ABCA7: variants seen among roughly 807,000 people sequenced by gnomAD.
ABCA7 encodes the protein ATP binding cassette subfamily A member 7.
A neutral mutation model predicts 227.6 loss-of-function variants in ABCA7; 261 were observed. The observed-to-expected ratio is 1.15, with a 90% CI of 1.04 to 1.27. The LOEUF is 1.27. Ranked by LOEUF, ABCA7 falls within the 50% of genes most tolerant of loss-of-function variation. ABCA7 has a pLI of 0.00. For missense variants in ABCA7, 3,331 were observed against 2,924.5 expected, an observed-to-expected ratio of 1.14 and a Z score of -3.21; for synonymous variants, 1,488 against 1,279.7, an observed-to-expected ratio of 1.16 and a Z score of -3.47.
rs377541682 is a variant in ABCA7 at position 1,052,018 on chromosome 19, T to C, written c.3039T>C (p.Gly1013=). 6.2e-7 allele frequency: 1 copy of C among 1,611,982 alleles called. No individual in the cohort carries two copies. Among genetic ancestry groups the C allele is most frequent in the East Asian group, 2.2e-5 (1 of 44,860 alleles). The change falls in exon 22 of 47, where the codon GGT becomes GGC. Residue 1013 remains glycine, a synonymous_variant. Transcript: ENST00000263094. The stretch of plus-strand genomic sequence containing the variant: ...GAGACCGTGTGGCCGTGGTGGCAGG[T>C]GGCCGCTTGTGCTGCTGTGGCTCCC... ...LLGDRVAVVA[G]GRLCCCGSPL... is the part of the protein sequence containing the mutation.
At chr19:1,042,214 T>G in intron 5 of ABCA7, 38 bp downstream of exon 5, 1 of 1,594,994 alleles carries the variant, frequency 6.3e-7, no homozygotes, top group South Asian at 1.1e-5. Flanking sequence ...GGCTGAGCTC[T>G]GAGCCTCAAC....
Position 1,055,161 on chromosome 19 carries a change from G to C in ABCA7, c.4015G>C (p.Glu1339Gln), listed in dbSNP as rs2042134289. ...CTTGGCCAGTGGCAACTGGACCCCA[G>C]AGTCTCCATCCCCAGCCTGCCAGTG... ...KVLASGNWTP[E>Q]SPSPACQCSR... The change falls in exon 30 of 47, where the codon GAG (glutamate) becomes CAG (glutamine). Residue 1339 changes from glutamate (E) to glutamine (Q), a missense_variant. Glu to Gln is a conservative substitution (Grantham distance 29, BLOSUM62 2). Transcript: ENST00000263094. The C allele has an allele frequency of 1.2e-6, 2 of 1,612,712 alleles. No homozygotes were observed. The highest frequency in any genetic ancestry group is 2.7e-5 in the African/African-American group (2 of 74,930).
intron 44 of ABCA7, 122 bp downstream of exon 44, chr19:1,063,985 C>G: frequency 7.3e-7 from 1 of 1,370,654 alleles, no homozygotes; most frequent in Non-Finnish European, 9.7e-7. Flanking sequence ...GGGCGCCAGG[C>G]CCCGGGGTGT....
chr19:1,047,744 TG>T lies in ABCA7; in HGVS notation c.2269+96del, dbSNP rs1165863006. ...GTGTGGCCTCCAGGCCGTTTGGGGG[TG>T]GGGGGTGGCTTATTCCCTTGGAGAG... is the stretch of plus-strand genomic sequence containing the variant. On this transcript the variant is annotated intron_variant, in intron 16 of 46. Transcript: ENST00000263094. The T allele has an allele frequency of 6.6e-6, 6 of 908,312 alleles. No individual in the cohort carries two copies. The African/African-American group carries it at 6.6e-5, about 10-fold the overall frequency. 56.3% of individuals were successfully genotyped at this position (908,312 alleles called of 1,614,324 possible).
At chr19:1,044,833 C>G (rs1018657381) in intron 11 of ABCA7, 89 bp downstream of exon 11, 5 of 1,486,624 alleles carry the variant, frequency 3.4e-6, no homozygotes, top group Non-Finnish European at 4.5e-6. Flanking sequence ...CAGGGGGAGG[C>G]GGGCCCGGCC....
chr19:1,064,098 C>T (rs928234896), intron 44 of ABCA7, 63 bp from the exon 45 acceptor site: 2 of 1,471,182 alleles, frequency 1.4e-6, no homozygotes, highest in Non-Finnish European at 1.8e-6. Context: ...GGGAAGCAGG[C>T]AGTGTGGCGC....
chr19:1,047,114 C>T, intron 14 of ABCA7, 43 bp from the exon 15 acceptor site: 1 of 1,570,530 alleles, frequency 6.4e-7, no homozygotes. Context: ...CGCCCCCAGG[C>T]CAATCCAGGA....
intron 18 of ABCA7, among the ~76,000 whole-genome samples, chr19:1,049,979 GCCCAAACCACTCCCTCCCTGTGAGCCC>G (rs1568313686): frequency 8.1e-5 from 3 of 37,232 alleles, no homozygotes; most frequent in East Asian, 1.2e-3. Context: ...CCTGTGAGCC[GCCCAAACCACTCCCTCCCTGTGAGCCC>G]CCCACCACTT....
chr19:1,060,195 G>GTATATATATATATATATATATATA (rs138175754), intron 40 of ABCA7, among the ~76,000 whole-genome samples: 9 of 53,464 alleles, frequency 1.7e-4, no homozygotes, highest in African/African-American at 6.0e-4. Context: ...ACACATTGCA[G>GTATATATATATATATATATATATA]TATATATATA....
chr19:1,042,755 G>A lies in ABCA7; in HGVS notation c.508G>A (p.Gly170Arg). ...TGGTCTTTCTCCCCAGGAATCCCTG[G>A]GGTTGGCACTGGGCCAAGCCCAGGA... is the stretch of plus-strand genomic sequence containing the variant. ...LTSLLRTESL[G>R]LALGQAQEPL... is the part of the protein sequence containing the mutation. The change falls in exon 7 of 47, where the codon GGG (glycine) becomes AGG (arginine). Residue 170 changes from glycine (G) to arginine (R), a missense_variant. By Grantham distance (125) the Gly-to-Arg change is moderately radical (BLOSUM62 -2). Transcript: ENST00000263094. The A allele has an allele frequency of 6.2e-7, 1 of 1,613,502 alleles. No homozygotes were observed. The highest frequency in any genetic ancestry group is 8.5e-7 in the Non-Finnish European group (1 of 1,179,982).
In ABCA7 at chr19:1,047,466, C is replaced by A; in HGVS notation, c.2081C>A (p.Pro694His). The change falls in exon 16 of 47, where the codon CCC (proline) becomes CAC (histidine). Residue 694 changes from proline (P) to histidine (H), a missense_variant. Physicochemically the swap from Pro to His is moderately conservative, Grantham distance 77. Coordinates refer to ENST00000263094, the MANE Select transcript of ABCA7 (RefSeq NM_019112.4). Reference protein sequence around the residue: ...GGRVAASLLSPVAFGFGCESL... With the variant: ...GGRVAASLLSHVAFGFGCESL... ...GCTTTTCCGCAGAGCCTGCTGTCGC[C>A]CGTGGCCTTCGGCTTCGGCTGCGAG... is the stretch of plus-strand genomic sequence containing the variant. 1 of 1,553,906 alleles carries A rather than the reference C, an allele frequency of 6.4e-7. No individual in the cohort carries two copies. Among genetic ancestry groups the A allele is most frequent in the South Asian group, 1.2e-5 (1 of 86,666 alleles).
intron 10 of ABCA7, among the ~76,000 whole-genome samples, chr19:1,044,202 A>T (rs962026350): frequency 1.4e-5 from 2 of 143,322 alleles, no homozygotes; most frequent in Non-Finnish European, 3.0e-5. Flanking sequence ...GGCCTCCCAA[A>T]GTGCTGGGAT....
intron 23 of ABCA7, 36 bp from the exon 24 acceptor site, chr19:1,053,293 G>A: frequency 6.9e-6 from 11 of 1,585,908 alleles, no homozygotes; most frequent in Non-Finnish European, 9.4e-6. Context: ...TGGGGCGTGA[G>A]CCGGGGCTCC....
Position 1,041,834 on chromosome 19 carries a change from A to T in ABCA7, c.164A>T (p.His55Leu). The change falls in exon 4 of 47, where the codon CAC becomes CTC. Residue 55 changes from histidine to leucine, a missense_variant. Coordinates refer to ENST00000263094, the MANE Select transcript of ABCA7 (RefSeq NM_019112.4). ...SHPPLEHHEC[H>L]FPNKPLPSAG... Reference sequence around the variant, plus strand: ...AGCACCAGGCGTCTCCCCGCAGGCCACTTCCCAAACAAGCCACTGCCATCG... The same window carrying T: ...AGCACCAGGCGTCTCCCCGCAGGCCTCTTCCCAAACAAGCCACTGCCATCG... 1.2e-5 allele frequency: 20 copies of T among 1,601,798 alleles called. No individual in the cohort carries two copies. The highest frequency in any genetic ancestry group is 1.6e-5 in the Non-Finnish European group (19 of 1,178,432).
Position 1,056,240 on chromosome 19 carries a change from C to G in ABCA7, c.4413C>G (p.Leu1471=). ...ACAGCCTGGATGCTCAGGACAGTCT[C>G]AAGGTGGGAACTGGGGGGGCAGGTG... The part of the protein sequence containing the change: ...WAHSLDAQDS[L]KIWFNNKGWH... Residue 1471 remains leucine (L), a synonymous_variant, in exon 32 of 47, where the codon CTC becomes CTG. Transcript: ENST00000263094. This position sits in a 1 kb window ranked among gnomAD's most constrained non-coding sequence, Gnocchi z 4.3. 1 of 1,593,166 alleles carries G rather than the reference C, an allele frequency of 6.3e-7. No homozygotes were observed. Among genetic ancestry groups the G allele is most frequent in the Non-Finnish European group, 8.6e-7 (1 of 1,169,038 alleles).
chr19:1,052,788 G>C (rs138349485), intron 23 of ABCA7, among the ~76,000 whole-genome samples: 65 of 151,634 alleles, frequency 4.3e-4, no homozygotes, highest in African/African-American at 1.5e-3. Context: ...GGCTGAGCCG[G>C]AACCATGAGA....
Position 1,054,162 on chromosome 19 carries a change from G to A in ABCA7, c.3578-31G>A, listed in dbSNP as rs752772221. ...TCCTCCCAGCCACCCCCCCACAGCA[G>A]CGTGAGCACTGACCCTCTCATCCCT... On this transcript the variant is annotated intron_variant, in intron 26 of 46. Coordinates refer to ENST00000263094, the MANE Select transcript of ABCA7 (RefSeq NM_019112.4). The surrounding 1 kb of genome is among the most constrained non-coding windows in gnomAD (Gnocchi z 4.8). 6.2e-6 allele frequency: 10 copies of A among 1,612,134 alleles called. No individual in the cohort carries two copies. The highest frequency in any genetic ancestry group is 7.6e-6 in the Non-Finnish European group (9 of 1,179,524).
In ABCA7 at chr19:1,056,607, T is replaced by C. The variant is rs2042276082; in HGVS notation, c.4586+108T>C. On this transcript the variant is annotated intron_variant, in intron 33 of 46. Coordinates refer to ENST00000263094, the MANE Select transcript of ABCA7 (RefSeq NM_019112.4). This position sits in a 1 kb window ranked among gnomAD's most constrained non-coding sequence, Gnocchi z 4.3. ...GATTTGAACCCTGACACACTCTTGC[T>C]TTATAAATGGGGGATAGAAACTGTT... The C allele has an allele frequency of 1.5e-6, 2 of 1,353,252 alleles. No homozygotes were observed. Among genetic ancestry groups the C allele is most frequent in the East Asian group, 2.5e-5 (1 of 39,736 alleles). 83.8% of individuals were successfully genotyped at this position (1,353,252 alleles called of 1,614,324 possible). A position where few individuals can be genotyped will look rare whatever the true frequency, so the allele number is the denominator to read the frequency against.
chr19:1,041,294 C>T lies in ABCA7; in HGVS notation c.-68C>T. ...GAAAGGGGCAGGGAGTTGCCCGCAG[C>T]CGCACCGCACGTCTTCAGCCCGACC... is the stretch of plus-strand genomic sequence containing the variant. On this transcript the variant is annotated 5_prime_UTR_variant, in exon 2 of 47. Coordinates refer to ENST00000263094, the MANE Select transcript of ABCA7 (RefSeq NM_019112.4). 6.6e-7 allele frequency: 1 copy of T among 1,515,166 alleles called. No individual in the cohort carries two copies. The highest frequency in any genetic ancestry group is 1.1e-5 in the South Asian group (1 of 89,088). The allele number at this position is 1,515,166 out of a possible 1,614,324, so 93.9% of individuals were successfully genotyped here.
Sources: gnomAD v4.1 joint callset for allele counts (sites outside exome capture counted in the v4.1 genomes callset) on GRCh38, gnomAD v4.1.1 for gene constraint, Gnocchi (gnomAD v3.1) non-coding constraint, MANE v1.5 for transcripts, NCBI Gene and HGNC (gene_info 2026-07-23, HGNC 2026-07-21) for gene names.